PPP3CA: variants seen among roughly 807,000 people sequenced by gnomAD.
PPP3CA encodes the protein CAM-PRP catalytic subunit.
A neutral mutation model predicts 66.5 loss-of-function variants in PPP3CA; 14 were observed. The ratio of observed to expected loss-of-function variants is 0.21; its 90% confidence interval spans 0.14 to 0.33. The LOEUF (loss-of-function observed/expected upper bound fraction) is 0.33, where lower values mean the gene tolerates loss of function less well. PPP3CA is among the 10% of genes least tolerant of loss of function. PPP3CA has a pLI of 1.00. For missense variants in PPP3CA, 317 were observed against 639.5 expected, an observed-to-expected ratio of 0.50 and a Z score of 5.44; for synonymous variants, 232 against 226.2, an observed-to-expected ratio of 1.03 and a Z score of -0.23.
intron 1 of PPP3CA, among the ~76,000 whole-genome samples, chr4:101,248,008 G>A (rs1172195512): frequency 6.6e-6 from 1 of 152,158 alleles, no homozygotes; most frequent in Non-Finnish European, 1.5e-5. Context: ...GAGAGTAGGT[G>A]TTTAATTAAC....
chr4:101,333,824 C>A (rs1228630734), intron 1 of PPP3CA, among the ~76,000 whole-genome samples: 1 of 152,182 alleles, frequency 6.6e-6, no homozygotes, highest in African/African-American at 2.4e-5. Context: ...TTCTGCATTC[C>A]CACAGTAGGA....
At chr4:101,213,136 A>C (rs1725351232) in intron 1 of PPP3CA, among the ~76,000 whole-genome samples, 1 of 152,168 alleles carries the variant, frequency 6.6e-6, no homozygotes, top group Non-Finnish European at 1.5e-5. Context: ...CCATCAGTAA[A>C]ACTAGCCAGA....
At chr4:101,200,815 G>A (rs1724945298) in intron 1 of PPP3CA, among the ~76,000 whole-genome samples, 1 of 152,126 alleles carries the variant, frequency 6.6e-6, no homozygotes, top group Admixed American at 6.6e-5. Context: ...GAGAGAGGAT[G>A]AGTGAATCAT....
chr4:101,235,585 T>C (rs946760250), intron 1 of PPP3CA, among the ~76,000 whole-genome samples: 6 of 152,000 alleles, frequency 3.9e-5, no homozygotes, highest in Admixed American at 6.6e-5. Context: ...TGAAGAAAGA[T>C]TGTTTATGTT....
At chr4:101,155,523 A>G (rs915330451) in intron 2 of PPP3CA, among the ~76,000 whole-genome samples, 1 of 152,232 alleles carries the variant, frequency 6.6e-6, no homozygotes, top group Non-Finnish European at 1.5e-5. Context: ...AGAAAGCAGT[A>G]TGACTCAGAG....
rs538599069 is a variant in PPP3CA at position 101,234,486 on chromosome 4, T to C, written c.59-38370A>G. 3.9e-5 allele frequency among the ~76,000 whole-genome samples: 6 copies of C among 152,026 alleles called. No individual in the cohort carries two copies. The South Asian group carries it at 1.2e-3, about 32-fold the overall frequency. Reference sequence around the variant, plus strand: ...TGATTTGCATTTCTCTAATGATCAGTGATATTGAGCTTTTTTTCATATGCT... The same window carrying C: ...TGATTTGCATTTCTCTAATGATCAGCGATATTGAGCTTTTTTTCATATGCT... On this transcript the variant is annotated intron_variant, in intron 1 of 13. Transcript: ENST00000394854.
chr4:101,164,764 G>T (rs1723637485), intron 2 of PPP3CA, among the ~76,000 whole-genome samples: 1 of 151,946 alleles, frequency 6.6e-6, no homozygotes, highest in South Asian at 2.1e-4. Flanking sequence ...AAAATATAAT[G>T]TCAGTATGTT....
chr4:101,341,554 T>C (rs1729818515), intron 1 of PPP3CA, among the ~76,000 whole-genome samples: 1 of 152,202 alleles, frequency 6.6e-6, no homozygotes, highest in South Asian at 2.1e-4. Flanking sequence ...GTGTTAGCAG[T>C]GACTGAATCG....
intron 2 of PPP3CA, among the ~76,000 whole-genome samples, chr4:101,187,206 G>C (rs1238052611): frequency 1.3e-5 from 2 of 152,114 alleles, no homozygotes; most frequent in Non-Finnish European, 2.9e-5. Flanking sequence ...GCACAGCAGA[G>C]ATTAAATCAC....
intron 1 of PPP3CA, among the ~76,000 whole-genome samples, chr4:101,235,360 G>A (rs1403329436): frequency 6.6e-6 from 1 of 151,438 alleles, no homozygotes; most frequent in African/African-American, 2.4e-5. Flanking sequence ...TTCAATTTAT[G>A]TCAATTCAAA....
At chr4:101,333,270 GTTTTTTTTTTTTTTTTTTTTTTTTT>G (rs70961788) in intron 1 of PPP3CA, among the ~76,000 whole-genome samples, 2 of 47,242 alleles carry the variant, frequency 4.2e-5, no homozygotes, top group African/African-American at 6.4e-5. Flanking sequence ...ACCATGCCCA[GTTTTTTTTTTTTTTTTTTTTTTTTT>G]TTTTTTTTTT....
intron 10 of PPP3CA, among the ~76,000 whole-genome samples, chr4:101,042,127 T>C (rs1727550270): frequency 6.6e-6 from 1 of 152,014 alleles, no homozygotes; most frequent in Non-Finnish European, 1.5e-5. Flanking sequence ...GAAAGAAAAC[T>C]TGTACAACAC....
intron 1 of PPP3CA, among the ~76,000 whole-genome samples, chr4:101,283,600 A>G (rs10015480): frequency 0.04 from 6,040 of 152,284 alleles, 382 homozygotes; most frequent in African/African-American, 0.13. Flanking sequence ...ACCGCTCTTA[A>G]GACTGCTGCC....
chr4:101,343,805 G>A (rs6810812), intron 1 of PPP3CA, among the ~76,000 whole-genome samples: 16,170 of 152,128 alleles, frequency 0.11, 2,921 homozygotes, highest in African/African-American at 0.37. Context: ...AGTTGAGACA[G>A]ACTCAACCTA....
intron 2 of PPP3CA, among the ~76,000 whole-genome samples, chr4:101,162,260 T>C (rs1723539306): frequency 1.4e-5 from 2 of 147,774 alleles, no homozygotes; most frequent in East Asian, 4.1e-4. Context: ...AGGCCAGGAA[T>C]GGTGGCTCAC....
intron 1 of PPP3CA, among the ~76,000 whole-genome samples, chr4:101,335,787 A>G (rs1729611113): frequency 6.6e-6 from 1 of 152,138 alleles, no homozygotes; most frequent in Non-Finnish European, 1.5e-5. Context: ...CAAGGAAGAG[A>G]GCACAAGATG....
Position 101,347,311 on chromosome 4 carries a change from A to G in PPP3CA, c.-515T>C, listed in dbSNP as rs2110350230. 1 of 200,102 alleles carries G rather than the reference A, an allele frequency of 5.0e-6. No individual in the cohort carries two copies. The highest frequency in any genetic ancestry group is 9.8e-6 in the Non-Finnish European group (1 of 101,946). 12.4% of individuals were successfully genotyped at this position (200,102 alleles called of 1,614,324 possible). On this transcript the variant is annotated 5_prime_UTR_variant, in exon 1 of 14. Coordinates refer to ENST00000394854, the MANE Select transcript of PPP3CA (RefSeq NM_000944.5). ...CACCTTGGCGTCCCCGGCGGCGGAG[A>G]GGCGGCCGCCGCTGCTGCCGCTGCT...
chr4:101,224,158 G>A (rs568347665), intron 1 of PPP3CA, among the ~76,000 whole-genome samples: 71 of 151,768 alleles, frequency 4.7e-4, no homozygotes, highest in Admixed American at 1.4e-3. Context: ...GGAATGAAAG[G>A]GGTGCTATTA....
At chr4:101,195,166 G>A (rs1270918903) in intron 2 of PPP3CA, among the ~76,000 whole-genome samples, 1 of 151,700 alleles carries the variant, frequency 6.6e-6, no homozygotes, top group African/African-American at 2.4e-5. Context: ...TACTCGGGAG[G>A]TGGAGGCAGG....
Sources: gnomAD v4.1 joint callset for allele counts (sites outside exome capture counted in the v4.1 genomes callset) on GRCh38, gnomAD v4.1.1 for gene constraint, MANE v1.5 for transcripts, NCBI Gene and HGNC (gene_info 2026-07-23, HGNC 2026-07-21) for gene names.